SLC49A4: variants seen among roughly 807,000 people sequenced by gnomAD.
SLC49A4 encodes solute carrier family 49 member 4, also known as disrupted in renal cancer protein 2.
A neutral mutation model predicts 50.6 loss-of-function variants in SLC49A4; 36 were observed. That is an observed-to-expected ratio of 0.71 (90% CI 0.55 to 0.94). The LOEUF is 0.94. Ranked by LOEUF, SLC49A4 falls within the 40% of genes least tolerant of loss-of-function variation. SLC49A4 has a pLI of 0.00. For synonymous variants in SLC49A4, 248 were observed against 241.2 expected (o/e 1.03, Z -0.26); for missense variants, 503 against 605.7 (o/e 0.83, Z 1.78).
intron 4 of SLC49A4, among the ~76,000 whole-genome samples, chr3:122,838,447 G>A (rs71330913): frequency 0.094 from 14,191 of 150,258 alleles, 712 homozygotes; most frequent in East Asian, 0.14. Flanking sequence ...TCAGCAAACT[G>A]TCACAAGGAC....
intron 1 of SLC49A4, among the ~76,000 whole-genome samples, chr3:122,802,159 T>G (rs1445391691): frequency 1.3e-5 from 2 of 151,868 alleles, no homozygotes; most frequent in African/African-American, 4.8e-5. Context: ...AAAATAATAA[T>G]AAATAAATAT....
chr3:122,836,948 A>C (rs1376254572), intron 4 of SLC49A4, among the ~76,000 whole-genome samples: 1 of 152,166 alleles, frequency 6.6e-6, no homozygotes, highest in Non-Finnish European at 1.5e-5. Context: ...TCATGAGTGA[A>C]CTCCCATTCA....
intron 1 of SLC49A4, among the ~76,000 whole-genome samples, chr3:122,800,307 C>T (rs1361460091): frequency 6.6e-6 from 1 of 152,130 alleles, no homozygotes; most frequent in Non-Finnish European, 1.5e-5. Context: ...GATTTAGCAA[C>T]ATCGAGATCT....
At position 122,852,696 on chromosome 3, in the gene SLC49A4, C is replaced by T. The variant is rs1008604901; in HGVS notation, c.943-3611C>T. ...CCTCCTGCTCTTAGGTACAGCCCTTCAGAGTGCCCAGTTAAAACCCGGGGT... is the reference window on the plus strand; with the variant it reads ...CCTCCTGCTCTTAGGTACAGCCCTTTAGAGTGCCCAGTTAAAACCCGGGGT... On this transcript the variant is annotated intron_variant, in intron 5 of 8. Coordinates refer to ENST00000261038, the MANE Select transcript of SLC49A4 (RefSeq NM_032839.3). Among the ~76,000 whole-genome samples the T allele has an allele frequency of 2.0e-5, 3 of 152,170 alleles. No individual in the cohort carries two copies. The East Asian group carries it at 5.8e-4, about 29-fold the overall frequency.
chr3:122,866,172 G>A (rs1937116382), intron 7 of SLC49A4, among the ~76,000 whole-genome samples: 3 of 150,692 alleles, frequency 2.0e-5, no homozygotes, highest in Admixed American at 2.0e-4. Flanking sequence ...ACTGACTATG[G>A]CGTGTGCCAC....
At chr3:122,826,491 C>G (rs1218231894) in intron 2 of SLC49A4, among the ~76,000 whole-genome samples, 3 of 152,108 alleles carry the variant, frequency 2.0e-5, no homozygotes, top group Non-Finnish European at 4.4e-5. Flanking sequence ...GTTGTTATAA[C>G]AACTAAATGA....
intron 7 of SLC49A4, among the ~76,000 whole-genome samples, chr3:122,871,697 G>A (rs951180894): frequency 1.3e-5 from 2 of 152,092 alleles, no homozygotes; most frequent in African/African-American, 4.8e-5. Flanking sequence ...ACAGACAGTA[G>A]TAGCAATGAT....
intron 1 of SLC49A4, among the ~76,000 whole-genome samples, chr3:122,802,457 T>G (rs767762917): frequency 6.6e-6 from 1 of 152,082 alleles, no homozygotes; most frequent in African/African-American, 2.4e-5. Context: ...TCCTCTTGAG[T>G]CTTCAGCAGA....
At chr3:122,854,283 C>G (rs1417766706) in intron 5 of SLC49A4, among the ~76,000 whole-genome samples, 1 of 152,226 alleles carries the variant, frequency 6.6e-6, no homozygotes, top group Non-Finnish European at 1.5e-5. Flanking sequence ...CTTCTGGCAG[C>G]AAACACCAAT....
chr3:122,835,973 G>A (rs537425130), intron 4 of SLC49A4, among the ~76,000 whole-genome samples: 21 of 152,186 alleles, frequency 1.4e-4, no homozygotes, highest in African/African-American at 4.8e-4. Context: ...AGAAAGGCAA[G>A]AATCAAATGA....
chr3:122,863,793 C>T (rs185357915), intron 7 of SLC49A4, among the ~76,000 whole-genome samples: 31 of 152,172 alleles, frequency 2.0e-4, no homozygotes, highest in African/African-American at 6.5e-4. Flanking sequence ...CTACCTGAAA[C>T]GTATTTGTAA....
chr3:122,806,749 A>G (rs1038118006), intron 1 of SLC49A4, 108 bp from the exon 2 acceptor site: 4 of 676,852 alleles, frequency 5.9e-6, no homozygotes, highest in African/African-American at 3.8e-5. Context: ...CAGAAAAGCC[A>G]TAATATTAGC....
intron 1 of SLC49A4, among the ~76,000 whole-genome samples, chr3:122,804,002 T>A (rs1356697398): frequency 1.3e-5 from 2 of 152,236 alleles, no homozygotes; most frequent in African/African-American, 4.8e-5. Context: ...GAAGCCAATC[T>A]GTTAGGCAGT....
intron 7 of SLC49A4, among the ~76,000 whole-genome samples, chr3:122,866,868 G>A (rs1937128119): frequency 6.6e-6 from 1 of 152,094 alleles, no homozygotes; most frequent in African/African-American, 2.4e-5. Flanking sequence ...GCTGCATTCA[G>A]CACCAAGGCT....
chr3:122,816,350 C>T (rs560739501), intron 2 of SLC49A4, among the ~76,000 whole-genome samples: 13 of 152,186 alleles, frequency 8.5e-5, no homozygotes, highest in Admixed American at 3.3e-4. Flanking sequence ...CTTTATATCT[C>T]TCTTGTGCCA....
chr3:122,803,018 T>A (rs1936156138), intron 1 of SLC49A4, among the ~76,000 whole-genome samples: 1 of 152,030 alleles, frequency 6.6e-6, no homozygotes. Context: ...GATGGAGTGG[T>A]GCAAGAAAAT....
intron 4 of SLC49A4, among the ~76,000 whole-genome samples, chr3:122,842,611 G>C (rs1304273579): frequency 6.6e-6 from 1 of 151,748 alleles, no homozygotes; most frequent in Admixed American, 6.6e-5. Flanking sequence ...AGGAAATCGT[G>C]AGTCACTGAA....
chr3:122,869,466 C>G (rs1236361745), intron 7 of SLC49A4, among the ~76,000 whole-genome samples: 1 of 152,046 alleles, frequency 6.6e-6, no homozygotes, highest in African/African-American at 2.4e-5. Context: ...TTTAACCAAC[C>G]AACACCGCCC....
intron 7 of SLC49A4, among the ~76,000 whole-genome samples, chr3:122,868,222 C>T (rs1377603721): frequency 6.6e-6 from 1 of 151,822 alleles, no homozygotes; most frequent in Non-Finnish European, 1.5e-5. Flanking sequence ...GGTTATGATC[C>T]AAGTCATGTG....
Sources: allele counts gnomAD v4.1 joint callset (sites outside exome capture counted in the v4.1 genomes callset), GRCh38; gene constraint gnomAD v4.1.1; transcripts MANE v1.5; gene names NCBI Gene and HGNC (gene_info 2026-07-23, HGNC 2026-07-21).